Variants in FLRT2 observed in about 807,000 individuals in gnomAD.
FLRT2 encodes the protein fibronectin leucine rich transmembrane protein 2.
FLRT2 carries 15 observed loss-of-function variants against 40.0 expected under a neutral mutation model. The ratio of observed to expected loss-of-function variants is 0.38; its 90% CI spans 0.25 to 0.58. The LOEUF (loss-of-function observed/expected upper bound fraction) is 0.58. FLRT2 is among the 20% of genes least tolerant of loss of function. The pLI is 0.71. For missense variants in FLRT2, 726 were observed against 840.0 expected, an observed-to-expected ratio of 0.86 and a Z score of 1.68; for synonymous variants, 380 against 336.8, an observed-to-expected ratio of 1.13 and a Z score of -1.41.
At chr14:85,617,914 G>A (rs981587466) in intron 1 of FLRT2, among the ~76,000 whole-genome samples, 4 of 152,198 alleles carry the variant, frequency 2.6e-5, no homozygotes, top group Non-Finnish European at 1.5e-5. Flanking sequence ...TTTGCCCCAT[G>A]TAATCTTATT....
chr14:85,566,572 T>TGTGTGTGTGC (rs1218679592), intron 1 of FLRT2, among the ~76,000 whole-genome samples: 2 of 151,778 alleles, frequency 1.3e-5, no homozygotes, highest in African/African-American at 4.8e-5. Flanking sequence ...TGTGTGTGTG[T>TGTGTGTGTGC]GTGTGCAAGA....
At chr14:85,584,814 C>T (rs1891546156) in intron 1 of FLRT2, among the ~76,000 whole-genome samples, 1 of 151,894 alleles carries the variant, frequency 6.6e-6, no homozygotes, top group South Asian at 2.1e-4. Context: ...CAACGCTGGC[C>T]CTACCTTAGC....
intron 1 of FLRT2, among the ~76,000 whole-genome samples, chr14:85,567,345 C>A (rs1890670452): frequency 6.6e-6 from 1 of 152,040 alleles, no homozygotes. Context: ...TTTATTAGAC[C>A]AACTTGAGGC....
In FLRT2 at chr14:85,633,342, C is replaced by T. The variant is rs72693231; in HGVS notation, c.*9845C>T. 2.0e-5 allele frequency: 3 copies of T among 152,150 alleles called. No homozygotes were observed. Among genetic ancestry groups the T allele is most frequent in the Admixed American group, 6.5e-5 (1 of 15,278 alleles). 9.4% of individuals were successfully genotyped at this position (152,150 alleles called of 1,614,324 possible). A position where few individuals can be genotyped will look rare whatever the true frequency, so the allele number is the denominator to read the frequency against. ...GGGATCATTGAACAACATGGTTGAA[C>T]AGAAAGAGAACAGACTTCTTTATAA... On this transcript the variant is annotated 3_prime_UTR_variant, in exon 2 of 2. Transcript: ENST00000330753.
At chr14:85,561,834 C>A (rs1479948319) in intron 1 of FLRT2, among the ~76,000 whole-genome samples, 3 of 152,030 alleles carry the variant, frequency 2.0e-5, no homozygotes, top group Admixed American at 2.0e-4. Flanking sequence ...TTTAGATAGC[C>A]CCGGTCTTTG....
chr14:85,550,232 G>T (rs1002170129), intron 1 of FLRT2, among the ~76,000 whole-genome samples: 2 of 150,574 alleles, frequency 1.3e-5, no homozygotes, highest in African/African-American at 4.8e-5. Context: ...CGAGAAAATA[G>T]CCACATTCGT....
At position 85,642,132 on chromosome 14, in the gene FLRT2, C is replaced by CAAAAAAAAAAAAA. The variant is rs34224453; in HGVS notation, c.*18638_*18650dup. Reference sequence around the variant, plus strand: ...CTTACAGTTTCAAGGTTGCTGTTGACAAAAAAAAAAAAAAAGAAAGAAAGA... The same window carrying CAAAAAAAAAAAAA: ...CTTACAGTTTCAAGGTTGCTGTTGACAAAAAAAAAAAAAAAAAAAAAAAAAAAAGAAAGAAAGA... On this transcript the variant is annotated 3_prime_UTR_variant, in exon 2 of 2. Coordinates refer to ENST00000330753, the MANE Select transcript of FLRT2 (RefSeq NM_013231.6). The CAAAAAAAAAAAAA allele has an allele frequency of 2.3e-5, 3 of 128,718 alleles. No individual in the cohort carries two copies. The highest frequency in any genetic ancestry group is 3.2e-5 in the Non-Finnish European group (2 of 62,246). The allele number at this position is 128,718 out of a possible 1,614,324, so 8.0% of individuals were successfully genotyped here.
chr14:85,544,874 A>T (rs919045254), intron 1 of FLRT2, among the ~76,000 whole-genome samples: 2 of 152,198 alleles, frequency 1.3e-5, no homozygotes, highest in African/African-American at 4.8e-5. Flanking sequence ...ACACACTTCA[A>T]TCCCTTCCTC....
At chr14:85,535,892 GTTTTT>G (rs71454768) in intron 1 of FLRT2, among the ~76,000 whole-genome samples, 63 of 57,894 alleles carry the variant, frequency 1.1e-3, no homozygotes, top group African/African-American at 2.7e-3. Flanking sequence ...AAGGAATGCT[GTTTTT>G]TTTTTTTTTT....
chr14:85,557,528 C>A (rs189906698), intron 1 of FLRT2, among the ~76,000 whole-genome samples: 1 of 152,098 alleles, frequency 6.6e-6, no homozygotes. Context: ...AACAAAAGCA[C>A]GGCAAGGCGC....
intron 1 of FLRT2, among the ~76,000 whole-genome samples, chr14:85,606,587 C>T (rs1419265961): frequency 2.9e-5 from 4 of 137,196 alleles, no homozygotes; most frequent in Admixed American, 8.3e-5. Flanking sequence ...TGCGGTGGTG[C>T]GATCTCAGCT....
rs920783070 is a variant in FLRT2, at chr14:85,645,293, T to C, written c.*21796T>C. ...ATGTGTATATATGTATATACATATA[T>C]GTATATAGAAGTATATATACACATA... On this transcript the variant is annotated 3_prime_UTR_variant, in exon 2 of 2. Transcript: ENST00000330753. The C allele has an allele frequency of 8.6e-5, 13 of 151,696 alleles. No homozygotes were observed. Among genetic ancestry groups the C allele is most frequent in the African/African-American group, 2.4e-4 (10 of 41,282 alleles). The allele number at this position is 151,696 out of a possible 1,614,324, so 9.4% of individuals were successfully genotyped here.
chr14:85,621,805 C>G lies in FLRT2; in HGVS notation c.291C>G (p.Gly97=). 6.2e-7 allele frequency: 1 copy of G among 1,614,190 alleles called. No individual in the cohort carries two copies. The highest frequency in any genetic ancestry group is 8.5e-7 in the Non-Finnish European group (1 of 1,180,018). Residue 97 remains glycine (G), a synonymous_variant, in exon 2 of 2, where the codon GGC becomes GGG. Coordinates refer to ENST00000330753, the MANE Select transcript of FLRT2 (RefSeq NM_013231.6). ...VQSVHTVYLY[G]NQLDEFPMNL... is the part of the protein sequence containing the mutation. ...CGGTGCACACGGTCTACCTGTATGG[C>G]AACCAACTGGACGAATTCCCCATGA...
At chr14:85,599,596 G>A (rs1379132207) in intron 1 of FLRT2, among the ~76,000 whole-genome samples, 1 of 152,174 alleles carries the variant, frequency 6.6e-6, no homozygotes, top group Non-Finnish European at 1.5e-5. Flanking sequence ...TTTTAAGTTA[G>A]TCAGACAGCG....
chr14:85,622,237 G>C lies in FLRT2; in HGVS notation c.723G>C (p.Ser241=). 6.2e-7 allele frequency: 1 copy of C among 1,614,040 alleles called. No homozygotes were observed. Among genetic ancestry groups the C allele is most frequent in the Non-Finnish European group, 8.5e-7 (1 of 1,180,010 alleles). ...KLKEFSIVRN[S]LSHPPPDLPG... is the part of the protein sequence containing the mutation. ...AGGAATTTTCAATTGTACGTAATTC[G>C]CTGTCCCACCCTCCTCCCGATCTCC... The change falls in exon 2 of 2, where the codon TCG becomes TCC. Residue 241 remains serine (S), a synonymous_variant. Coordinates refer to ENST00000330753, the MANE Select transcript of FLRT2 (RefSeq NM_013231.6).
At chr14:85,596,803 T>C (rs1211337703) in intron 1 of FLRT2, among the ~76,000 whole-genome samples, 1 of 152,132 alleles carries the variant, frequency 6.6e-6, no homozygotes, top group Non-Finnish European at 1.5e-5. Flanking sequence ...TGACTTTCAA[T>C]TGATTTTAAG....
chr14:85,569,691 GT>G (rs1368010935), intron 1 of FLRT2, among the ~76,000 whole-genome samples: 1 of 152,160 alleles, frequency 6.6e-6, no homozygotes, highest in Non-Finnish European at 1.5e-5. Flanking sequence ...GTTTGTTTTG[GT>G]TTTAGCAGAG....
intron 1 of FLRT2, among the ~76,000 whole-genome samples, chr14:85,611,527 CAT>C (rs1312830624): frequency 6.6e-6 from 1 of 152,194 alleles, no homozygotes; most frequent in Non-Finnish European, 1.5e-5. Flanking sequence ...TGCCCACTCA[CAT>C]GTCTTTTTCC....
In FLRT2 at chr14:85,643,442, G is replaced by A. The variant is rs1894216147; in HGVS notation, c.*19945G>A. ...GGTTCTCTCTCTGTCACCCAGGCAGGAATGCAGTGGCGTGATCTCAGCTCA... is the reference window on the plus strand; with the variant it reads ...GGTTCTCTCTCTGTCACCCAGGCAGAAATGCAGTGGCGTGATCTCAGCTCA... On this transcript the variant is annotated 3_prime_UTR_variant, in exon 2 of 2. Transcript: ENST00000330753. The A allele has an allele frequency of 6.6e-6, 1 of 150,756 alleles. No individual in the cohort carries two copies. Among genetic ancestry groups the A allele is most frequent in the Non-Finnish European group, 1.5e-5 (1 of 68,058 alleles). The allele number at this position is 150,756 out of a possible 1,614,324, so 9.3% of individuals were successfully genotyped here.
Sources: gnomAD v4.1 joint callset for allele counts (sites outside exome capture counted in the v4.1 genomes callset) on GRCh38, gnomAD v4.1.1 for gene constraint, MANE v1.5 for transcripts, NCBI Gene and HGNC (gene_info 2026-07-23, HGNC 2026-07-21) for gene names.